The following CYTH1 variants were observed in gnomAD, a reference collection of about 807,000 sequenced individuals.
CYTH1 encodes the protein cytohesin 1, also known as cytohesin-1.
Under a neutral mutation model 61.8 loss-of-function variants are expected in CYTH1, and 18 were observed. The ratio of observed to expected loss-of-function variants is 0.29; its 90% CI spans 0.20 to 0.43. The LOEUF (loss-of-function observed/expected upper bound fraction) is 0.43, where lower values mean the gene tolerates loss of function less well. Ranked by LOEUF, CYTH1 falls within the 20% of genes least tolerant of loss-of-function variation. The probability of loss-of-function intolerance (pLI) is 1.00; values close to 1 mark genes in which losing one functional copy is unlikely to be tolerated. For missense variants in CYTH1, 336 were observed against 510.5 expected (o/e 0.66, Z 3.29); for synonymous variants, 174 against 184.3 (o/e 0.94, Z 0.45).
intron 1 of CYTH1, among the ~76,000 whole-genome samples, chr17:78,760,386 C>T (rs186083266): frequency 0.067 from 2,749 of 41,198 alleles, 320 homozygotes; most frequent in East Asian, 0.097. Context: ...TATATATATA[C>T]ACACACATAC....
chr17:78,759,405 T>C (rs1379275155), intron 1 of CYTH1, among the ~76,000 whole-genome samples: 2 of 152,132 alleles, frequency 1.3e-5, no homozygotes, highest in East Asian at 3.9e-4. Flanking sequence ...CTCACTGTTG[T>C]ACAGATCAGG....
At chr17:78,690,938 T>C (rs1285795418) in intron 11 of CYTH1, among the ~76,000 whole-genome samples, 1 of 152,122 alleles carries the variant, frequency 6.6e-6, no homozygotes, top group Non-Finnish European at 1.5e-5. Flanking sequence ...TCAGACACGA[T>C]GTTAAAGACA....
chr17:78,746,392 A>G (rs2093359440), intron 1 of CYTH1, among the ~76,000 whole-genome samples: 1 of 152,212 alleles, frequency 6.6e-6, no homozygotes, highest in Non-Finnish European at 1.5e-5. Context: ...CTCACCATGT[A>G]GACTAATGAA....
chr17:78,747,407 G>A (rs1598905483), intron 1 of CYTH1, among the ~76,000 whole-genome samples: 1 of 152,208 alleles, frequency 6.6e-6, no homozygotes, highest in South Asian at 2.1e-4. Context: ...AGGATCTAGA[G>A]GTCAACATCT....
At chr17:78,750,254 AG>A (rs2144669801) in intron 1 of CYTH1, among the ~76,000 whole-genome samples, 1 of 152,368 alleles carries the variant, frequency 6.6e-6, no homozygotes, top group South Asian at 2.1e-4. Context: ...AACAAGAGAA[AG>A]GGAAGGCTGA....
At chr17:78,687,360 T>G (rs978019376) in intron 11 of CYTH1, among the ~76,000 whole-genome samples, 6 of 152,172 alleles carry the variant, frequency 3.9e-5, no homozygotes, top group African/African-American at 1.2e-4. Flanking sequence ...TCAGTGCTTT[T>G]GGGGCAATCT....
intron 1 of CYTH1, among the ~76,000 whole-genome samples, chr17:78,745,659 C>T (rs906697146): frequency 3.3e-5 from 5 of 152,122 alleles, no homozygotes; most frequent in East Asian, 1.9e-4. Context: ...TTTGGGAGGC[C>T]GAGGCGGGTG....
At chr17:78,732,506 T>G (rs1043723950) in intron 1 of CYTH1, among the ~76,000 whole-genome samples, 8 of 152,204 alleles carry the variant, frequency 5.3e-5, no homozygotes, top group Non-Finnish European at 1.2e-4. Flanking sequence ...CAGGAAAGCC[T>G]ATAAAATTCA....
rs3073742 is a variant in CYTH1 at position 78,755,491 on chromosome 17, T to TAAAAA, written c.22+26706_22+26710dup. ...GTATGATGTTGGCAGTGGGTTTATT[T>TAAAAA]AAAAAAAAAAAAAAGGAAAGAAAGC... On this transcript the variant is annotated intron_variant, in intron 1 of 13. Transcript: ENST00000446868. Among the ~76,000 whole-genome samples the TAAAAA allele has an allele frequency of 2.1e-3, 267 of 129,826 alleles. 27 individuals are homozygous for TAAAAA. The highest frequency in any genetic ancestry group is 7.6e-3 in the Middle Eastern group (2 of 262). The allele number at this position is 129,826 out of a possible 152,430, so 85.2% of individuals were successfully genotyped here.
At chr17:78,776,146 C>G (rs2093490061) in intron 1 of CYTH1, among the ~76,000 whole-genome samples, 1 of 152,040 alleles carries the variant, frequency 6.6e-6, no homozygotes, top group Admixed American at 6.6e-5. Flanking sequence ...CAGAGTAAAA[C>G]TCTGTCTCAA....
chr17:78,718,215 GAATA>G (rs1567857174), intron 1 of CYTH1, among the ~76,000 whole-genome samples: 1 of 103,178 alleles, frequency 9.7e-6, no homozygotes, highest in African/African-American at 4.7e-5. Flanking sequence ...CATAAACACT[GAATA>G]CACACACACA....
At chr17:78,692,242 G>A (rs2092894776) in intron 11 of CYTH1, among the ~76,000 whole-genome samples, 175 bp downstream of exon 11, 1 of 152,050 alleles carries the variant, frequency 6.6e-6, no homozygotes, top group Non-Finnish European at 1.5e-5. Context: ...CTCTTCTCAG[G>A]GGTTCCCCAT....
chr17:78,733,631 C>T (rs772241515), intron 1 of CYTH1, among the ~76,000 whole-genome samples: 7 of 152,234 alleles, frequency 4.6e-5, no homozygotes, highest in Admixed American at 2.6e-4. Flanking sequence ...GCAGCACACC[C>T]GGCCACAGCG....
chr17:78,681,122 C>A, intron 11 of CYTH1, 80 bp from the exon 12 acceptor site: 1 of 1,400,954 alleles, frequency 7.1e-7, no homozygotes, highest in Non-Finnish European at 1.0e-6. Flanking sequence ...GGTGACTCAG[C>A]CGAACTTTCC....
chr17:78,716,735 T>C (rs1243094570), intron 1 of CYTH1, among the ~76,000 whole-genome samples: 1 of 152,242 alleles, frequency 6.6e-6, no homozygotes, highest in Non-Finnish European at 1.5e-5. Context: ...CAAGCCTTCA[T>C]TCTCATGCTG....
intron 9 of CYTH1, among the ~76,000 whole-genome samples, chr17:78,697,657 G>GGATT (rs1398872443): frequency 6.6e-6 from 1 of 152,106 alleles, no homozygotes; most frequent in African/African-American, 2.4e-5. Flanking sequence ...AGAGTGCTGT[G>GGATT]GATTGAGCTG....
chr17:78,778,883 T>C (rs1372140700), intron 1 of CYTH1, among the ~76,000 whole-genome samples: 1 of 152,186 alleles, frequency 6.6e-6, no homozygotes, highest in Non-Finnish European at 1.5e-5. Flanking sequence ...ATCACACACA[T>C]TTCCTTTTAC....
At chr17:78,701,066 A>C (rs1415413762) in intron 6 of CYTH1, among the ~76,000 whole-genome samples, 1 of 152,194 alleles carries the variant, frequency 6.6e-6, no homozygotes, top group African/African-American at 2.4e-5. Flanking sequence ...TTTTAAACAA[A>C]CGCTATTTCC....
intron 11 of CYTH1, among the ~76,000 whole-genome samples, chr17:78,684,845 C>T (rs532256213): frequency 6.6e-6 from 1 of 152,052 alleles, no homozygotes; most frequent in Non-Finnish European, 1.5e-5. Context: ...GTAAATGTTT[C>T]TTTACCACAA....
Sources: gnomAD v4.1 joint callset for allele counts (sites outside exome capture counted in the v4.1 genomes callset) on GRCh38, gnomAD v4.1.1 for gene constraint, MANE v1.5 for transcripts, NCBI Gene and HGNC (gene_info 2026-07-23, HGNC 2026-07-21) for gene names.